The following UBE2K variants were observed in gnomAD, a reference collection of about 807,000 sequenced individuals.
UBE2K encodes ubiquitin-conjugating enzyme E2 K.
Under a neutral mutation model 30.0 loss-of-function variants are expected in UBE2K, and 6 were observed. The ratio of observed to expected loss-of-function variants is 0.20; its 90% confidence interval spans 0.11 to 0.39. The LOEUF is 0.39. Among genes scored for constraint, UBE2K ranks in the 10% least tolerant of loss-of-function variants. The pLI is 1.00. For synonymous variants in UBE2K, 86 were observed against 83.7 expected (o/e 1.03, Z -0.15); for missense variants, 61 against 241.6 (o/e 0.25, Z 4.96).
intron 1 of UBE2K, among the ~76,000 whole-genome samples, chr4:39,700,133 T>C (rs1176612171): frequency 6.6e-6 from 1 of 152,178 alleles, no homozygotes; most frequent in Non-Finnish European, 1.5e-5. Flanking sequence ...ACAGAAACAG[T>C]AAGTTACTGC....
At chr4:39,748,620 C>T (rs1330662379) in intron 3 of UBE2K, among the ~76,000 whole-genome samples, 1 of 123,446 alleles carries the variant, frequency 8.1e-6, no homozygotes, top group Admixed American at 8.6e-5. Context: ...TCTCTAGTCC[C>T]AAAAAAAAAA....
intron 1 of UBE2K, among the ~76,000 whole-genome samples, chr4:39,706,155 G>A (rs1411100616): frequency 6.6e-6 from 1 of 152,068 alleles, no homozygotes; most frequent in East Asian, 1.9e-4. Flanking sequence ...GGGACTACAG[G>A]CGTCCACGAC....
In UBE2K at chr4:39,781,544, T is replaced by A. The variant is rs1205436176; in HGVS notation, c.*3110T>A. On this transcript the variant is annotated 3_prime_UTR_variant, in exon 7 of 7. Coordinates refer to ENST00000261427, the MANE Select transcript of UBE2K (RefSeq NM_005339.5). The stretch of plus-strand genomic sequence containing the variant: ...TCTTGGGTATAAGTGTATGCCTGAT[T>A]TGAGCTTTTAAAACTGTGCAGTAGG... The A allele has an allele frequency of 6.0e-6, 1 of 167,056 alleles. No homozygotes were observed. The highest frequency in any genetic ancestry group is 1.3e-5 in the Non-Finnish European group (1 of 78,204). 10.3% of individuals were successfully genotyped at this position (167,056 alleles called of 1,614,324 possible). A position where few individuals can be genotyped will look rare whatever the true frequency, so the allele number is the denominator to read the frequency against.
At position 39,743,374 on chromosome 4, in the gene UBE2K, C is replaced by T. The variant is rs183132367; in HGVS notation, c.158-2378C>T. Among the ~76,000 whole-genome samples the T allele has an allele frequency of 5.9e-3, 898 of 152,172 alleles. 6 individuals are homozygous for T. The highest frequency in any genetic ancestry group is 0.02 in the African/African-American group (845 of 41,534). ...ATCCCAGCTCTTTGGGAGGCCGAGG[C>T]GGGTGGATCACAAGGTCAGGAGATT... On this transcript the variant is annotated intron_variant, in intron 2 of 6. Transcript: ENST00000261427.
chr4:39,774,779 T>C lies in UBE2K; in HGVS notation c.300-55T>C, dbSNP rs577416875. The C allele has an allele frequency of 7.8e-5, 85 of 1,083,682 alleles. No homozygotes were observed. In the African/African-American group the frequency reaches 1.2e-3, roughly 16 times the overall value. 67.1% of individuals were successfully genotyped at this position (1,083,682 alleles called of 1,614,324 possible). On this transcript the variant is annotated intron_variant, in intron 4 of 6. Transcript: ENST00000261427. ...TTTAATTTTTATTAAGAAAATACTT[T>C]GCTTTTGCCTGCAGAGCCCTCTTAA...
In UBE2K at chr4:39,766,783, T is replaced by C. The variant is rs374436768; in HGVS notation, c.300-8051T>C. On this transcript the variant is annotated intron_variant, in intron 4 of 6. Coordinates refer to ENST00000261427, the MANE Select transcript of UBE2K (RefSeq NM_005339.5). ...TCTTTTTTTCGAGACAGAGTCTCGC[T>C]CTGTCGCCCAGGCTGGATTGCAGTG... Among the ~76,000 whole-genome samples, 46 of 152,270 alleles carry C rather than the reference T, an allele frequency of 3.0e-4. 1 individual carries two copies. The East Asian group carries it at 7.7e-3, about 26-fold the overall frequency.
At chr4:39,770,862 A>G in intron 4 of UBE2K, 2 of 1,541,776 alleles carry the variant, frequency 1.3e-6, no homozygotes, top group East Asian at 2.3e-5. Flanking sequence ...CTCGGCTTTC[A>G]GCTCCAAGTC....
intron 1 of UBE2K, among the ~76,000 whole-genome samples, chr4:39,708,567 T>A (rs996620215): frequency 1.3e-5 from 2 of 152,060 alleles, no homozygotes; most frequent in African/African-American, 4.8e-5. Context: ...AAAGAATAGA[T>A]GTGAGTATAT....
intron 4 of UBE2K, among the ~76,000 whole-genome samples, chr4:39,772,471 A>T (rs1319563250): frequency 6.6e-6 from 1 of 151,350 alleles, no homozygotes; most frequent in Non-Finnish European, 1.5e-5. Flanking sequence ...GCTACTCAGG[A>T]GGCTGAGGTA....
chr4:39,752,435 C>T (rs1288390970), intron 3 of UBE2K, among the ~76,000 whole-genome samples: 1 of 146,264 alleles, frequency 6.8e-6, no homozygotes, highest in East Asian at 2.1e-4. Context: ...TTCCCAGGTT[C>T]ACGCCATTCT....
intron 4 of UBE2K, among the ~76,000 whole-genome samples, chr4:39,772,669 C>A (rs189851682): frequency 1.3e-5 from 2 of 151,392 alleles, no homozygotes; most frequent in Admixed American, 6.6e-5. Context: ...TTTATACATA[C>A]CTCTATTAAT....
intron 1 of UBE2K, among the ~76,000 whole-genome samples, chr4:39,717,614 G>C (rs1441986249): frequency 1.3e-5 from 2 of 152,180 alleles, no homozygotes; most frequent in Non-Finnish European, 2.9e-5. Flanking sequence ...TCTCTGTTAG[G>C]TTTTCCAGTG....
chr4:39,759,840 A>C (rs1251191106), intron 4 of UBE2K, among the ~76,000 whole-genome samples: 2 of 152,152 alleles, frequency 1.3e-5, no homozygotes, highest in South Asian at 2.1e-4. Flanking sequence ...TAACTACTAC[A>C]TGCCTGTAAA....
chr4:39,705,213 T>G (rs1291745132), intron 1 of UBE2K, among the ~76,000 whole-genome samples: 42 of 146,308 alleles, frequency 2.9e-4, no homozygotes, highest in African/African-American at 9.6e-4. Context: ...TTTTTTTTTT[T>G]GGGAGACAGA....
At chr4:39,714,538 A>G (rs1235971427) in intron 1 of UBE2K, 30 of 22,206 alleles carry the variant, frequency 1.4e-3, no homozygotes, top group Admixed American at 4.4e-3. Context: ...ATATATATAT[A>G]TATATATATA....
At chr4:39,750,669 C>T (rs1279075960) in intron 3 of UBE2K, among the ~76,000 whole-genome samples, 3 of 151,326 alleles carry the variant, frequency 2.0e-5, no homozygotes, top group Admixed American at 1.3e-4. Flanking sequence ...GTTGAGATTA[C>T]GTGCTTGATT....
In UBE2K at chr4:39,781,955, C is replaced by T. The variant is rs1021457084; in HGVS notation, c.*3521C>T. 7.5e-6 allele frequency: 3 copies of T among 398,422 alleles called. No homozygotes were observed. Among genetic ancestry groups the T allele is most frequent in the Non-Finnish European group, 1.3e-5 (3 of 225,934 alleles). The allele number at this position is 398,422 out of a possible 1,614,324, so 24.7% of individuals were successfully genotyped here. On this transcript the variant is annotated 3_prime_UTR_variant, in exon 7 of 7. Transcript: ENST00000261427. ...ATTTACTGATAAAATAGCCTTTATT[C>T]CCAAGTGTGACTTTTCTTCAGTGTC...
chr4:39,737,329 G>A, intron 1 of UBE2K, 91 bp from the exon 2 acceptor site: 1 of 632,872 alleles, frequency 1.6e-6, no homozygotes, highest in South Asian at 2.9e-5. Flanking sequence ...TCAAGCTTAT[G>A]AAAGAGGGGG....
intron 1 of UBE2K, chr4:39,714,530 A>ATATT (rs1560343599): frequency 1.1e-4 from 3 of 27,182 alleles, no homozygotes; most frequent in African/African-American, 9.8e-4. Flanking sequence ...ATATATATAT[A>ATATT]TATATATATA....
Sources: gnomAD v4.1 joint callset for allele counts (sites outside exome capture counted in the v4.1 genomes callset) on GRCh38, gnomAD v4.1.1 for gene constraint, MANE v1.5 for transcripts, NCBI Gene and HGNC (gene_info 2026-07-23, HGNC 2026-07-21) for gene names.